ANAPC7: variants seen among roughly 807,000 people sequenced by gnomAD.
ANAPC7 encodes the protein anaphase promoting complex subunit 7.
Under a neutral mutation model 63.3 loss-of-function variants are expected in ANAPC7, and 25 were observed. The ratio of observed to expected loss-of-function variants is 0.39; its 90% confidence interval spans 0.29 to 0.55. The LOEUF is 0.55. Among genes scored for constraint, ANAPC7 ranks in the 20% least tolerant of loss-of-function variants. The pLI is 0.57. For synonymous variants in ANAPC7, 241 were observed against 251.7 expected (o/e 0.96, Z 0.40); for missense variants, 516 against 691.7 (o/e 0.75, Z 2.85).
intron 3 of ANAPC7, among the ~76,000 whole-genome samples, chr12:110,392,776 C>A (rs750761717): frequency 1.1e-4 from 16 of 152,034 alleles, no homozygotes; most frequent in Non-Finnish European, 2.4e-4. Flanking sequence ...TCAAACTAGA[C>A]ACCAGATCTT....
intron 3 of ANAPC7, among the ~76,000 whole-genome samples, chr12:110,390,264 G>T (rs926725493): frequency 2.6e-4 from 40 of 152,052 alleles, no homozygotes; most frequent in African/African-American, 9.6e-4. Flanking sequence ...AGTAGAGATG[G>T]TGTTTCACCA....
chr12:110,397,979 C>T (rs2062168328), intron 1 of ANAPC7, among the ~76,000 whole-genome samples: 1 of 152,100 alleles, frequency 6.6e-6, no homozygotes, highest in South Asian at 2.1e-4. Context: ...AGCTCAGTAG[C>T]TTGCACCTGT....
At chr12:110,398,628 GGAA>G (rs1466052479) in intron 1 of ANAPC7, among the ~76,000 whole-genome samples, 2 of 152,168 alleles carry the variant, frequency 1.3e-5, no homozygotes, top group African/African-American at 4.8e-5. Context: ...CCAAATAAGA[GGAA>G]GAAGTTTACT....
At chr12:110,395,069 T>C (rs754506470) in intron 3 of ANAPC7, 32 bp downstream of exon 3, 13 of 1,605,492 alleles carry the variant, frequency 8.1e-6, no homozygotes, top group Non-Finnish European at 1.0e-5. Context: ...TTAGGAGAGC[T>C]GAGGAGAAAA....
chr12:110,382,082 T>A, intron 7 of ANAPC7, 134 bp from the exon 8 acceptor site: 1 of 859,040 alleles, frequency 1.2e-6, no homozygotes, highest in Non-Finnish European at 1.7e-6. Flanking sequence ...CTTATAGTTT[T>A]AACCTAAGAT....
chr12:110,384,334 C>T (rs1365370904), intron 6 of ANAPC7, among the ~76,000 whole-genome samples: 1 of 152,014 alleles, frequency 6.6e-6, no homozygotes, highest in Admixed American at 6.6e-5. Flanking sequence ...GAGGTCAAGG[C>T]TGCAGTGAGC....
At chr12:110,397,566 A>AAC (rs1332878479) in intron 1 of ANAPC7, among the ~76,000 whole-genome samples, 3 of 151,620 alleles carry the variant, frequency 2.0e-5, no homozygotes, top group Non-Finnish European at 4.4e-5. Context: ...TCAAAAAAAA[A>AAC]AAAAAACACT....
chr12:110,398,336 A>G (rs1449350487), intron 1 of ANAPC7, among the ~76,000 whole-genome samples: 2 of 152,042 alleles, frequency 1.3e-5, no homozygotes, highest in African/African-American at 2.4e-5. Context: ...CAATCGCTTG[A>G]GCCCAGGAGA....
At position 110,381,779 on chromosome 12, in the gene ANAPC7, C is replaced by T. The variant is rs755248162; in HGVS notation, c.1105G>A (p.Ala369Thr). Residue 369 changes from alanine (A) to threonine (T), a missense_variant, in exon 8 of 11, where the codon GCA (alanine) becomes ACA (threonine). Around this residue, in one of 4 missense-constraint regions of ANAPC7, gnomAD observed 199 missense variants for 249.3 expected, o/e 0.80. Transcript: ENST00000455511. ...TCATAACAATCTAAGCGACAAGGTG[C>T]GAGCCGTATGGCCTCCCGAAAGTGG... Reference protein sequence around the residue: ...IIHFREAIRLAPCRLDCYEGL... With the variant: ...IIHFREAIRLTPCRLDCYEGL... The T allele has an allele frequency of 8.1e-6, 13 of 1,613,492 alleles. No individual in the cohort carries two copies. The highest frequency in any genetic ancestry group is 4.0e-5 in the African/African-American group (3 of 74,876).
chr12:110,378,985 A>G (rs1014945021), intron 8 of ANAPC7: 4 of 151,984 alleles, frequency 2.6e-5, no homozygotes, highest in Non-Finnish European at 5.9e-5. Context: ...CAGCCTCCCA[A>G]GTAGCTGGGA....
At position 110,376,137 on chromosome 12, in the gene ANAPC7, C is replaced by T. The variant is rs200361388; in HGVS notation, c.1437G>A (p.Arg479=). The T allele has an allele frequency of 3.5e-5, 57 of 1,614,154 alleles. No homozygotes were observed. In the East Asian group the frequency reaches 1.2e-3, roughly 35 times the overall value. ...CAGCTACAAGGAAATCTCCTAGGAT[C>T]CGATGCAGGACACAGTCACTCTGAT... The part of the protein sequence containing the change: ...LANQSDCVLH[R]ILGDFLVAVN... Residue 479 remains arginine, a synonymous_variant, in exon 10 of 11, where the codon CGG becomes CGA. Coordinates refer to ENST00000455511, the MANE Select transcript of ANAPC7 (RefSeq NM_016238.3).
Position 110,396,180 on chromosome 12 carries a change from G to A in ANAPC7, c.288+86C>T, listed in dbSNP as rs1425970974. On this transcript the variant is annotated intron_variant, in intron 2 of 10. Transcript: ENST00000455511. ...TGCAGCCTGGTTCCTAACAGACCAG[G>A]CACTGGGGCCTGGGGACCCTGTTCT... The A allele has an allele frequency of 4.1e-6, 5 of 1,230,680 alleles. No individual in the cohort carries two copies. The East Asian group carries it at 7.1e-5, about 18-fold the overall frequency. The allele number at this position is 1,230,680 out of a possible 1,614,324, so 76.2% of individuals were successfully genotyped here. A position where few individuals can be genotyped will look rare whatever the true frequency, so the allele number is the denominator to read the frequency against.
chr12:110,383,254 C>A (rs191256143), intron 6 of ANAPC7: 1 of 243,420 alleles, frequency 4.1e-6, no homozygotes, highest in Non-Finnish European at 8.0e-6. Context: ...CTGGCTAACA[C>A]GGTGAAACCT....
At chr12:110,396,941 C>T (rs557874684) in intron 1 of ANAPC7, among the ~76,000 whole-genome samples, 75 of 152,276 alleles carry the variant, frequency 4.9e-4, no homozygotes, top group African/African-American at 1.7e-3. Context: ...CGGTGGCTTA[C>T]GCCTGTAATC....
At chr12:110,376,452 C>G (rs1410213024) in intron 9 of ANAPC7, among the ~76,000 whole-genome samples, 3 of 150,372 alleles carry the variant, frequency 2.0e-5, no homozygotes, top group Admixed American at 1.3e-4. Context: ...GCCTGTAGTC[C>G]CAGCTACTCG....
intron 10 of ANAPC7, chr12:110,375,578 A>C: frequency 1.3e-6 from 1 of 780,440 alleles, no homozygotes; most frequent in African/African-American, 1.9e-5. Context: ...CGATCATTTA[A>C]TATCTAATAA....
In ANAPC7 at chr12:110,387,810, C is replaced by G. The variant is rs199898262; in HGVS notation, c.603G>C (p.Trp201Cys). 3 of 1,614,064 alleles carry G rather than the reference C, an allele frequency of 1.9e-6. No individual in the cohort carries two copies. The highest frequency in any genetic ancestry group is 2.5e-6 in the Non-Finnish European group (3 of 1,180,040). The change falls in exon 5 of 11, where the codon TGG (tryptophan) becomes TGC (cysteine). Residue 201 changes from tryptophan to cysteine, a missense_variant. Physicochemically the swap from Trp to Cys is radical, Grantham distance 215. Around this residue, in one of 4 missense-constraint regions of ANAPC7, gnomAD observed 199 missense variants for 249.3 expected, o/e 0.80. Transcript: ENST00000455511. ...CATACGCTTTGATCCACACAGAGAG[C>G]CAGTCCAAGTTAGGCACGGTTTGGA... ...NVIQTVPNLDWLSVWIKAYAF... is the reference protein window; with the variant it reads ...NVIQTVPNLDCLSVWIKAYAF...
At chr12:110,397,673 G>A (rs762846112) in intron 1 of ANAPC7, among the ~76,000 whole-genome samples, 2 of 152,086 alleles carry the variant, frequency 1.3e-5, no homozygotes, top group Non-Finnish European at 2.9e-5. Context: ...CAAGGCAGGC[G>A]GATCACCTGA....
Position 110,395,237 on chromosome 12 carries a change from A to G in ANAPC7, c.289-17T>C, listed in dbSNP as rs773768233. On this transcript the variant is annotated splice_polypyrimidine_tract_variant and intron_variant, in intron 2 of 10. Coordinates refer to ENST00000455511, the MANE Select transcript of ANAPC7 (RefSeq NM_016238.3). ...TGGAAGACACTAAAAGACAATGGAA[A>G]TATTTCTTTGAAACGTTATTCCAAC... The G allele has an allele frequency of 5.6e-6, 9 of 1,600,732 alleles. No homozygotes were observed. The highest frequency in any genetic ancestry group is 2.2e-5 in the East Asian group (1 of 44,696).
Sources: allele counts gnomAD v4.1 joint callset (sites outside exome capture counted in the v4.1 genomes callset), GRCh38; gene constraint gnomAD v4.1.1; regional missense constraint gnomAD v4.1.1; transcripts MANE v1.5; gene names NCBI Gene and HGNC (gene_info 2026-07-23, HGNC 2026-07-21).